EFCAB6: variants seen among roughly 807,000 people sequenced by gnomAD.
The protein encoded by EFCAB6 is EF-hand calcium-binding domain-containing protein 6.
Under a neutral mutation model 169.8 loss-of-function variants are expected in EFCAB6, and 156 were observed. That is an observed-to-expected ratio of 0.92 (90% CI 0.81 to 1.05). The LOEUF is 1.05. Ranked by LOEUF, EFCAB6 falls within the 50% of genes least tolerant of loss-of-function variation. The pLI, the probability that EFCAB6 is intolerant of heterozygous loss-of-function variation, is 0.00. For synonymous variants in EFCAB6, 698 were observed against 676.4 expected, an observed-to-expected ratio of 1.03 and a Z score of -0.50; for missense variants, 1,800 against 1,829.1, an observed-to-expected ratio of 0.98 and a Z score of 0.29.
rs138181672 is a variant in EFCAB6, at chr22:43,697,087, T to C, written c.1032-9506A>G. 1.9e-3 allele frequency among the ~76,000 whole-genome samples: 285 copies of C among 152,280 alleles called. 2 individuals carry two copies. The highest frequency in any genetic ancestry group is 6.4e-3 in the African/African-American group (267 of 41,562). On this transcript the variant is annotated intron_variant, in intron 10 of 31. Coordinates refer to ENST00000262726, the MANE Select transcript of EFCAB6 (RefSeq NM_022785.4). Reference sequence around the variant, plus strand: ...CAAGGACATGTAAATCAAAACACAATGAGAAGCTGTGCTTTCGCCTACCAA... The same window carrying C: ...CAAGGACATGTAAATCAAAACACAACGAGAAGCTGTGCTTTCGCCTACCAA...
intron 27 of EFCAB6, chr22:43,552,415 A>G (rs1258673026): frequency 6.6e-6 from 1 of 152,062 alleles, no homozygotes; most frequent in Non-Finnish European, 1.5e-5. Context: ...GACACTCCCA[A>G]CTTCTACCAA....
intron 24 of EFCAB6, among the ~76,000 whole-genome samples, chr22:43,588,094 A>G (rs2051197409): frequency 6.6e-6 from 1 of 152,210 alleles, no homozygotes; most frequent in Non-Finnish European, 1.5e-5. Context: ...GGTAAATCTG[A>G]AAAGGCCAAA....
In EFCAB6 at chr22:43,600,073, C is replaced by T. The variant is rs766076001; in HGVS notation, c.2872G>A (p.Ala958Thr). The T allele has an allele frequency of 1.2e-6, 2 of 1,613,358 alleles. No homozygotes were observed. The highest frequency in any genetic ancestry group is 2.2e-5 in the South Asian group (2 of 90,930). ...CCGTGATCCTTCCTCACTCACCTGG[C>T]TGCCACAGCCTTCTCTGTGCTCTGC... ...LQQSTEKAVA[A>T]RDKLMDRHQD... The change falls in exon 23 of 32, where the codon GCC becomes ACC. Residue 958 changes from alanine to threonine, a missense_variant. Ala to Thr is a moderately conservative substitution (Grantham distance 58). Coordinates refer to ENST00000262726, the MANE Select transcript of EFCAB6 (RefSeq NM_022785.4).
At chr22:43,580,027 C>A (rs950302111) in intron 25 of EFCAB6, among the ~76,000 whole-genome samples, 2 of 152,186 alleles carry the variant, frequency 1.3e-5, no homozygotes, top group African/African-American at 4.8e-5. Context: ...GAATGTCAAC[C>A]TACTCAGGTG....
At chr22:43,538,996 G>T (rs1349543560) in intron 28 of EFCAB6, among the ~76,000 whole-genome samples, 1 of 152,106 alleles carries the variant, frequency 6.6e-6, no homozygotes, top group Non-Finnish European at 1.5e-5. Context: ...ACAATCCTTG[G>T]TTTGTGGCCC....
At chr22:43,665,313 T>C (rs2057197203) in intron 17 of EFCAB6, among the ~76,000 whole-genome samples, 1 of 152,090 alleles carries the variant, frequency 6.6e-6, no homozygotes, top group Admixed American at 6.5e-5. Flanking sequence ...CCAAAGTTGT[T>C]CTCAGGTGAC....
chr22:43,632,336 G>C (rs988466353), intron 18 of EFCAB6, 98 bp from the exon 19 acceptor site: 13 of 1,440,890 alleles, frequency 9.0e-6, no homozygotes, highest in Admixed American at 2.6e-5. Context: ...TCTCGCTCTT[G>C]TTGCCCAGGC....
chr22:43,549,266 C>T (rs1012756742), intron 27 of EFCAB6, among the ~76,000 whole-genome samples: 16 of 151,668 alleles, frequency 1.1e-4, no homozygotes, highest in Admixed American at 2.6e-4. Context: ...ATCAACTAAA[C>T]GAAAAGTTGA....
rs2057835288 is a variant in EFCAB6, at chr22:43,677,929, T to G, written c.1419+67A>C. 2.7e-6 allele frequency: 4 copies of G among 1,501,202 alleles called. No homozygotes were observed. The South Asian group carries it at 5.0e-5, about 19-fold the overall frequency. 93.0% of individuals were successfully genotyped at this position (1,501,202 alleles called of 1,614,324 possible). On this transcript the variant is annotated intron_variant, in intron 13 of 31. Transcript: ENST00000262726. ...TTAAACCATATTTCACTTGCATCTCTTATTAGGAATACTGAAATTTCCCAA... is the reference window on the plus strand; with the variant it reads ...TTAAACCATATTTCACTTGCATCTCGTATTAGGAATACTGAAATTTCCCAA...
At chr22:43,723,477 T>G (rs2059611841) in intron 8 of EFCAB6, among the ~76,000 whole-genome samples, 1 of 152,202 alleles carries the variant, frequency 6.6e-6, no homozygotes, top group Non-Finnish European at 1.5e-5. Flanking sequence ...AAAACCTAAA[T>G]AGTACACAAT....
At chr22:43,531,289 C>A (rs988934550) in intron 30 of EFCAB6, among the ~76,000 whole-genome samples, 1 of 152,168 alleles carries the variant, frequency 6.6e-6, no homozygotes, top group Non-Finnish European at 1.5e-5. Context: ...GGTAAAGTGA[C>A]TTGGGCTTTG....
intron 5 of EFCAB6, among the ~76,000 whole-genome samples, chr22:43,762,164 C>T (rs2061184226): frequency 6.6e-6 from 1 of 152,180 alleles, no homozygotes; most frequent in South Asian, 2.1e-4. Context: ...CTTGTAATTA[C>T]AATTTTCCCC....
rs58226287 is a variant in EFCAB6, at chr22:43,724,367, CTTTTTTTT to C, written c.757+7324_757+7331del. Among the ~76,000 whole-genome samples the C allele has an allele frequency of 1.3e-3, 139 of 107,886 alleles. 1 individual carries two copies. Among genetic ancestry groups the C allele is most frequent in the Non-Finnish European group, 2.0e-3 (104 of 53,114 alleles). The allele number at this position is 107,886 out of a possible 152,430, so 70.8% of individuals were successfully genotyped here. ...TGTTTACTGTCAATATTTCTTTTTT[CTTTTTTTT>C]TTTTTTTTTTGAGAAGGAGTCTCGC... On this transcript the variant is annotated intron_variant, in intron 8 of 31. Coordinates refer to ENST00000262726, the MANE Select transcript of EFCAB6 (RefSeq NM_022785.4).
At chr22:43,768,474 A>G (rs571784312) in intron 4 of EFCAB6, among the ~76,000 whole-genome samples, 14 of 152,364 alleles carry the variant, frequency 9.2e-5, no homozygotes, top group African/African-American at 3.4e-4. Context: ...TGGATTCATC[A>G]TAGAACCATC....
intron 4 of EFCAB6, among the ~76,000 whole-genome samples, chr22:43,766,728 TG>T (rs2061336796): frequency 6.6e-6 from 1 of 152,192 alleles, no homozygotes; most frequent in Admixed American, 6.5e-5. Context: ...TTGACCAGGC[TG>T]GTTTCCAACT....
At chr22:43,592,739 C>T (rs550156381) in intron 23 of EFCAB6, among the ~76,000 whole-genome samples, 8 of 152,286 alleles carry the variant, frequency 5.3e-5, no homozygotes, top group East Asian at 1.9e-4. Flanking sequence ...CTCACACACA[C>T]GGCCTCCCCA....
intron 7 of EFCAB6, 64 bp downstream of exon 7, chr22:43,735,793 T>C: frequency 6.3e-7 from 1 of 1,580,068 alleles, no homozygotes; most frequent in Non-Finnish European, 8.6e-7. Flanking sequence ...ACCCAACAGG[T>C]CTCATTCTGA....
intron 3 of EFCAB6, among the ~76,000 whole-genome samples, chr22:43,779,147 T>C (rs1243173472): frequency 6.6e-6 from 1 of 152,192 alleles, no homozygotes; most frequent in Non-Finnish European, 1.5e-5. Context: ...AAAAATACAA[T>C]ATCAGAAGTT....
At chr22:43,646,249 T>G (rs2056149317) in intron 17 of EFCAB6, among the ~76,000 whole-genome samples, 1 of 152,176 alleles carries the variant, frequency 6.6e-6, no homozygotes, top group Non-Finnish European at 1.5e-5. Context: ...ATCCCAGGGC[T>G]CTCTGTCACT....
Sources: gnomAD v4.1 joint callset for allele counts (sites outside exome capture counted in the v4.1 genomes callset) on GRCh38, gnomAD v4.1.1 for gene constraint, MANE v1.5 for transcripts, NCBI Gene and HGNC (gene_info 2026-07-23, HGNC 2026-07-21) for gene names.